The following AGO3 variants were observed in gnomAD, a reference collection of about 807,000 sequenced individuals.
The protein encoded by AGO3 is argonaute RISC catalytic component 3, also known as protein argonaute-3.
AGO3 carries 16 observed loss-of-function variants against 105.5 expected under a neutral mutation model. The ratio of observed to expected loss-of-function variants is 0.15; its 90% CI spans 0.10 to 0.23. The LOEUF is 0.23. Among genes scored for constraint, AGO3 ranks in the 10% least tolerant of loss-of-function variants. AGO3 has a pLI of 1.00. For missense variants in AGO3, 534 were observed against 1,088.0 expected (o/e 0.49, Z 7.16); for synonymous variants, 340 against 367.3 (o/e 0.93, Z 0.85).
At chr1:35,982,549 C>G (rs1258976896) in intron 5 of AGO3, 1 of 660,306 alleles carries the variant, frequency 1.5e-6, no homozygotes, top group Non-Finnish European at 2.8e-6. Flanking sequence ...GAAAACTTCT[C>G]TCTATCCTTT....
At chr1:36,028,132 C>T (rs1034509010) in intron 12 of AGO3, among the ~76,000 whole-genome samples, 1 of 152,164 alleles carries the variant, frequency 6.6e-6, no homozygotes, top group African/African-American at 2.4e-5. Flanking sequence ...GCCTTGACCT[C>T]TTGGGCTCAA....
chr1:35,971,527 A>G (rs1402020628), intron 3 of AGO3, among the ~76,000 whole-genome samples: 1 of 151,740 alleles, frequency 6.6e-6, no homozygotes, highest in African/African-American at 2.4e-5. Context: ...ATACCAAAAC[A>G]TATACTCAGA....
In AGO3 at chr1:36,040,561, A is replaced by G. The variant is rs77008883; in HGVS notation, c.2172+120A>G. 248 of 1,075,978 alleles carry G rather than the reference A, an allele frequency of 2.3e-4. 3 individuals carry two copies. The East Asian group carries it at 5.6e-3, about 24-fold the overall frequency. 66.7% of individuals were successfully genotyped at this position (1,075,978 alleles called of 1,614,324 possible). On this transcript the variant is annotated intron_variant, in intron 16 of 18. Transcript: ENST00000373191. The stretch of plus-strand genomic sequence containing the variant: ...TTCCAATATATAGTAGCAAATTTCA[A>G]CAATTACATTATGAGTATAGAAGCA...
chr1:35,986,715 G>A (rs1163897952), intron 5 of AGO3, among the ~76,000 whole-genome samples: 1 of 151,684 alleles, frequency 6.6e-6, no homozygotes, highest in South Asian at 2.1e-4. Flanking sequence ...AAAAAAATGG[G>A]CTGGGCCTAG....
intron 11 of AGO3, among the ~76,000 whole-genome samples, chr1:36,023,698 C>T (rs951089454): frequency 1.6e-4 from 25 of 152,204 alleles, no homozygotes; most frequent in African/African-American, 5.3e-4. Flanking sequence ...TCACTATGTA[C>T]AGAGAAACCT....
chr1:35,947,667 T>C lies in AGO3; in HGVS notation c.191+1804T>C, dbSNP rs1362022112. 6.6e-5 allele frequency among the ~76,000 whole-genome samples: 10 copies of C among 152,194 alleles called. No homozygotes were observed. The East Asian group carries it at 1.9e-3, about 29-fold the overall frequency. ...TTCTAGAGGGCTGTTTTCCTGAACA[T>C]GGGTTTTTCAGTGCCGTACTCTTAT... On this transcript the variant is annotated intron_variant, in intron 2 of 18. Coordinates refer to ENST00000373191, the MANE Select transcript of AGO3 (RefSeq NM_024852.4).
At chr1:36,049,446 A>C (rs1342791118) in intron 17 of AGO3, among the ~76,000 whole-genome samples, 2 of 151,564 alleles carry the variant, frequency 1.3e-5, no homozygotes, top group African/African-American at 4.8e-5. Flanking sequence ...TGAACTCAGG[A>C]GGCAGAGGTT....
chr1:35,996,689 T>G (rs1398247099), intron 5 of AGO3, among the ~76,000 whole-genome samples: 1 of 150,992 alleles, frequency 6.6e-6, no homozygotes, highest in Non-Finnish European at 1.5e-5. Flanking sequence ...GAGAATTGCT[T>G]GAACCCAGGC....
chr1:35,947,775 G>A (rs1213895131), intron 2 of AGO3, among the ~76,000 whole-genome samples: 1 of 152,040 alleles, frequency 6.6e-6, no homozygotes, highest in Non-Finnish European at 1.5e-5. Flanking sequence ...TCCACTTATG[G>A]GGACTTAACT....
At chr1:36,050,832 C>T (rs368617959) in intron 17 of AGO3, among the ~76,000 whole-genome samples, 53 of 146,252 alleles carry the variant, frequency 3.6e-4, no homozygotes, top group African/African-American at 7.5e-4. Flanking sequence ...TGATTTCTTT[C>T]GTTTTGTTTT....
chr1:36,007,842 T>G (rs1337507633), intron 6 of AGO3, among the ~76,000 whole-genome samples: 1 of 152,190 alleles, frequency 6.6e-6, no homozygotes, highest in East Asian at 1.9e-4. Context: ...TTGACAGCAC[T>G]GCTTCAGAAA....
chr1:35,995,234 ATATT>A (rs1464658817), intron 5 of AGO3, among the ~76,000 whole-genome samples: 1 of 145,950 alleles, frequency 6.9e-6, no homozygotes, highest in Non-Finnish European at 1.5e-5. Flanking sequence ...ATATATATAT[ATATT>A]ATATAAAATT....
At chr1:35,981,633 C>T (rs532628586) in intron 5 of AGO3, among the ~76,000 whole-genome samples, 1 of 152,098 alleles carries the variant, frequency 6.6e-6, no homozygotes, top group African/African-American at 2.4e-5. Flanking sequence ...TCTGTAAGTT[C>T]GAAACTACTT....
chr1:36,005,486 A>C (rs1166966823), intron 6 of AGO3, among the ~76,000 whole-genome samples: 1 of 152,200 alleles, frequency 6.6e-6, no homozygotes, highest in African/African-American at 2.4e-5. Context: ...CCAAAGTAAG[A>C]AACTGTTTAT....
intron 2 of AGO3, among the ~76,000 whole-genome samples, chr1:35,948,810 A>G (rs1199565848): frequency 1.3e-5 from 2 of 152,000 alleles, no homozygotes; most frequent in Non-Finnish European, 2.9e-5. Flanking sequence ...TTTATCTTAC[A>G]TTTTTTTGAC....
chr1:36,040,386 T>C lies in AGO3; in HGVS notation c.2117T>C (p.Ile706Thr), dbSNP rs138068024. The change falls in exon 16 of 19, where the codon ATT (isoleucine) becomes ACT (threonine). Residue 706 changes from isoleucine to threonine, a missense_variant. Coordinates refer to ENST00000373191, the MANE Select transcript of AGO3 (RefSeq NM_024852.4). Reference sequence around the variant, plus strand: ...GACTATCAACCTGGAATAACCTACATTGTAGTTCAGAAGAGACATCACACT... The same window carrying C: ...GACTATCAACCTGGAATAACCTACACTGTAGTTCAGAAGAGACATCACACT... The part of the protein sequence containing the change: ...EKDYQPGITY[I>T]VVQKRHHTRL... 28 of 1,613,890 alleles carry C rather than the reference T, an allele frequency of 1.7e-5. No individual in the cohort carries two copies. Among genetic ancestry groups the C allele is most frequent in the African/African-American group, 2.7e-5 (2 of 74,916 alleles).
Position 35,934,480 on chromosome 1 carries a change from T to G in AGO3, c.19+3035T>G, listed in dbSNP as rs190236971. ...TTAATAATAAAAGTTTTAGAAAAGT[T>G]ATTTGGAACCAAGTTCCAAAGGAAT... On this transcript the variant is annotated intron_variant, in intron 1 of 18. Coordinates refer to ENST00000373191, the MANE Select transcript of AGO3 (RefSeq NM_024852.4). Among the ~76,000 whole-genome samples the G allele has an allele frequency of 3.3e-5, 5 of 152,276 alleles. No homozygotes were observed. In the East Asian group the frequency reaches 9.6e-4, roughly 29 times the overall value.
chr1:35,957,273 T>C (rs1010187145), intron 2 of AGO3, among the ~76,000 whole-genome samples: 1 of 151,982 alleles, frequency 6.6e-6, no homozygotes, highest in Non-Finnish European at 1.5e-5. Context: ...CGAGAATTGC[T>C]TATACCCAGG....
At chr1:36,023,675 C>T (rs767918602) in intron 11 of AGO3, among the ~76,000 whole-genome samples, 17 of 152,138 alleles carry the variant, frequency 1.1e-4, no homozygotes, top group Non-Finnish European at 1.9e-4. Context: ...TTTACACGTC[C>T]GGAGATTACC....
Sources: allele counts gnomAD v4.1 joint callset (sites outside exome capture counted in the v4.1 genomes callset), GRCh38; gene constraint gnomAD v4.1.1; transcripts MANE v1.5; gene names NCBI Gene and HGNC (gene_info 2026-07-23, HGNC 2026-07-21).